Variants in MTOR observed in about 807,000 individuals in gnomAD.
MTOR encodes the protein mechanistic target of rapamycin kinase.
In MTOR, 70 loss-of-function variants were observed where a neutral mutation model predicts 319.8. That is an observed-to-expected ratio of 0.22 (90% CI 0.18 to 0.27). The LOEUF is 0.27. Among genes scored for constraint, MTOR ranks in the 10% least tolerant of loss-of-function variants. The pLI is 1.00. For missense variants in MTOR, 1,890 were observed against 3,274.4 expected, an observed-to-expected ratio of 0.58 and a Z score of 10.32; for synonymous variants, 1,183 against 1,211.4, an observed-to-expected ratio of 0.98 and a Z score of 0.49.
chr1:11,234,513 T>C (rs1453036545), intron 13 of MTOR, among the ~76,000 whole-genome samples: 8 of 152,174 alleles, frequency 5.3e-5, no homozygotes, highest in Admixed American at 5.2e-4. Context: ...AGCACTCCAA[T>C]GTCCCATGGC....
intron 54 of MTOR, chr1:11,110,982 A>C: frequency 8.3e-6 from 3 of 360,540 alleles, no homozygotes; most frequent in South Asian, 6.2e-5. Context: ...GAATGAAGCC[A>C]GTAAGTCTCA....
At chr1:11,130,802 A>G (rs923873233) in intron 38 of MTOR, 25 bp from the exon 39 acceptor site, 3 of 1,550,524 alleles carry the variant, frequency 1.9e-6, no homozygotes, top group East Asian at 4.8e-5. Flanking sequence ...AGGCAAGGAC[A>G]GACACTGGAG....
intron 25 of MTOR, among the ~76,000 whole-genome samples, chr1:11,207,636 T>C (rs1003759932): frequency 2.0e-5 from 3 of 150,602 alleles, no homozygotes; most frequent in African/African-American, 7.3e-5. Context: ...CTTACTCTGT[T>C]GCCCAGGCTG....
At position 11,210,785 on chromosome 1, in the gene MTOR, C is replaced by T. The variant is rs190428657; in HGVS notation, c.3654+29G>A. The T allele has an allele frequency of 3.3e-5, 50 of 1,505,440 alleles. No individual in the cohort carries two copies. The African/African-American group carries it at 6.2e-4, about 19-fold the overall frequency. 93.3% of individuals were successfully genotyped at this position (1,505,440 alleles called of 1,614,324 possible). ...TATCAAGTAGTAAAGACAACAGGGA[C>T]TTCAGAACAGAAAAGAAGTATAGTT... On this transcript the variant is annotated intron_variant, in intron 24 of 57. Coordinates refer to ENST00000361445, the MANE Select transcript of MTOR (RefSeq NM_004958.4).
Position 11,247,845 on chromosome 1 carries a change from C to A in MTOR, c.1090G>T (p.Asp364Tyr), listed in dbSNP as rs1461332642. The A allele has an allele frequency of 6.2e-7, 1 of 1,613,670 alleles. No individual in the cohort carries two copies. Among genetic ancestry groups the A allele is most frequent in the African/African-American group, 1.3e-5 (1 of 74,910 alleles). ...TGATCAAATTTCTCCTCCATCAAGTCTCTGCAACACCGGCTCTCCACCAGG... is the reference window on the plus strand; with the variant it reads ...TGATCAAATTTCTCCTCCATCAAGTATCTGCAACACCGGCTCTCCACCAGG... The part of the protein sequence containing the change: ...STLVESRCCR[D>Y]LMEEKFDQVC... The change falls in exon 7 of 58, where the codon GAC becomes TAC. Residue 364 changes from aspartate (D) to tyrosine (Y), a missense_variant. Physicochemically the swap from Asp to Tyr is radical, Grantham distance 160 (BLOSUM62 -3). Coordinates refer to ENST00000361445, the MANE Select transcript of MTOR (RefSeq NM_004958.4).
intron 19 of MTOR, among the ~76,000 whole-genome samples, chr1:11,225,042 T>C (rs1028261979): frequency 2.0e-5 from 3 of 152,210 alleles, no homozygotes; most frequent in African/African-American, 7.2e-5. Context: ...TGCCCAGGGA[T>C]GAGGCAGAAA....
intron 25 of MTOR, among the ~76,000 whole-genome samples, chr1:11,208,792 C>CAG (rs1405504442): frequency 6.6e-6 from 1 of 152,200 alleles, no homozygotes; most frequent in African/African-American, 2.4e-5. Flanking sequence ...CACTTGGAAA[C>CAG]ATCTAAAACC....
At chr1:11,242,497 T>A (rs578154016) in intron 9 of MTOR, among the ~76,000 whole-genome samples, 3 of 22,438 alleles carry the variant, frequency 1.3e-4, no homozygotes, top group African/African-American at 1.7e-4. Context: ...TAAGACTCCA[T>A]CTCAAAAAAA....
Position 11,234,240 on chromosome 1 carries a change from C to T in MTOR, c.2234G>A (p.Gly745Glu). The T allele has an allele frequency of 1.2e-6, 2 of 1,613,792 alleles. No individual in the cohort carries two copies. The highest frequency in any genetic ancestry group is 1.1e-5 in the South Asian group (1 of 91,040). Residue 745 changes from glycine to glutamate, a missense_variant, in exon 14 of 58, where the codon GGG becomes GAG. By Grantham distance (98) the Gly-to-Glu change is moderately conservative. Coordinates refer to ENST00000361445, the MANE Select transcript of MTOR (RefSeq NM_004958.4). Reference sequence around the variant, plus strand: ...ACTCTGCTCTTTGATTCTTCCAATCCCACTGTGCTCCAACTCTGTCAAAAT... The same window carrying T: ...ACTCTGCTCTTTGATTCTTCCAATCTCACTGTGCTCCAACTCTGTCAAAAT... ...IQILTELEHS[G>E]IGRIKEQSAR...
chr1:11,255,920 C>T (rs1048727904), intron 5 of MTOR, 72 bp downstream of exon 5: 3 of 1,416,818 alleles, frequency 2.1e-6, no homozygotes, highest in African/African-American at 2.8e-5. Context: ...GGGCTTGTGG[C>T]TGCCCTTTAG....
intron 8 of MTOR, among the ~76,000 whole-genome samples, chr1:11,244,535 G>A (rs1053470150): frequency 1.4e-4 from 22 of 152,030 alleles, no homozygotes; most frequent in African/African-American, 4.6e-4. Context: ...GAAGGCTGAC[G>A]CAGGAGAATC....
At position 11,130,627 on chromosome 1, in the gene MTOR, T is replaced by TGGCAGTGGCGGC. The variant is rs775983598; in HGVS notation, c.5503_5514dup (p.Ala1835_Ala1838dup). ...CTGCCCTCGGTGCTGGCAGTGGTGG[T>TGGCAGTGGCGGC]GGCAGTGGCGGCCGTGGTGGCGGCA... On this transcript the variant is annotated inframe_insertion, in exon 39 of 58. Coordinates refer to ENST00000361445, the MANE Select transcript of MTOR (RefSeq NM_004958.4). 3.1e-6 allele frequency: 5 copies of TGGCAGTGGCGGC among 1,613,958 alleles called. No individual in the cohort carries two copies. Among genetic ancestry groups the TGGCAGTGGCGGC allele is most frequent in the Non-Finnish European group, 3.4e-6 (4 of 1,179,978 alleles).
At chr1:11,158,469 G>A (rs113202980) in intron 29 of MTOR, among the ~76,000 whole-genome samples, 1 of 152,186 alleles carries the variant, frequency 6.6e-6, no homozygotes, top group Non-Finnish European at 1.5e-5. Flanking sequence ...TGGCAGAGCC[G>A]GTGCCCTCTG....
intron 6 of MTOR, among the ~76,000 whole-genome samples, chr1:11,249,472 A>G (rs1212905483): frequency 7.1e-6 from 1 of 141,704 alleles, no homozygotes; most frequent in African/African-American, 2.6e-5. Context: ...GCAGAGGGGG[A>G]TTTGGCAGGG....
chr1:11,239,242 T>C (rs1275166329), intron 11 of MTOR, among the ~76,000 whole-genome samples: 2 of 152,198 alleles, frequency 1.3e-5, no homozygotes, highest in Non-Finnish European at 2.9e-5. Flanking sequence ...ACCCCTTACA[T>C]TCTCAGAGGA....
chr1:11,124,408 G>T, intron 47 of MTOR, 90 bp downstream of exon 47: 2 of 1,477,076 alleles, frequency 1.4e-6, no homozygotes, highest in South Asian at 1.3e-5. Flanking sequence ...ATAGTTTTTT[G>T]TTAAGATATA....
intron 13 of MTOR, among the ~76,000 whole-genome samples, chr1:11,234,783 T>G (rs545853426): frequency 6.6e-6 from 1 of 152,016 alleles, no homozygotes; most frequent in East Asian, 1.9e-4. Flanking sequence ...TAAACCTCAA[T>G]AGGTGGGGAT....
intron 26 of MTOR, among the ~76,000 whole-genome samples, chr1:11,203,220 AAAAC>A (rs1646035980): frequency 6.6e-6 from 1 of 152,124 alleles, no homozygotes; most frequent in South Asian, 2.1e-4. Context: ...CTCAAAAACA[AAAAC>A]AAAAATGAAA....
chr1:11,149,694 T>C (rs964127340), intron 31 of MTOR, among the ~76,000 whole-genome samples: 1 of 152,114 alleles, frequency 6.6e-6, no homozygotes, highest in African/African-American at 2.4e-5. Context: ...AGTGGGGCGA[T>C]ATTTTGGGAC....
Sources: allele counts gnomAD v4.1 joint callset (sites outside exome capture counted in the v4.1 genomes callset), GRCh38; gene constraint gnomAD v4.1.1; transcripts MANE v1.5; gene names NCBI Gene and HGNC (gene_info 2026-07-23, HGNC 2026-07-21).